RHOBTB1: variants seen among roughly 807,000 people sequenced by gnomAD.
RHOBTB1 encodes rho-related BTB domain-containing protein 1.
A neutral mutation model predicts 71.6 loss-of-function variants in RHOBTB1; 40 were observed. The observed-to-expected ratio is 0.56, with a 90% confidence interval of 0.43 to 0.73. The LOEUF (loss-of-function observed/expected upper bound fraction) is 0.73, where lower values mean the gene tolerates loss of function less well. RHOBTB1 is among the 30% of genes least tolerant of loss of function. RHOBTB1 has a pLI of 0.00. For missense variants in RHOBTB1, 797 were observed against 894.0 expected (o/e 0.89, Z 1.38); for synonymous variants, 319 against 334.9 (o/e 0.95, Z 0.52).
chr10:60,927,927 C>G (rs751289668), intron 2 of RHOBTB1, among the ~76,000 whole-genome samples: 9 of 152,022 alleles, frequency 5.9e-5, no homozygotes, highest in Admixed American at 4.6e-4. Context: ...TTGCAAATTA[C>G]CCATCTGACA....
At chr10:60,943,659 C>T (rs1472252887) in intron 1 of RHOBTB1, among the ~76,000 whole-genome samples, 4 of 152,228 alleles carry the variant, frequency 2.6e-5, no homozygotes, top group Non-Finnish European at 5.9e-5. Flanking sequence ...GCACCACCCC[C>T]TCCCTGGCGC....
intron 7 of RHOBTB1, 32 bp from the exon 8 acceptor site, chr10:60,878,090 T>A (rs1249728974): frequency 3.8e-6 from 6 of 1,593,466 alleles, no homozygotes; most frequent in South Asian, 2.3e-5. Context: ...TAAATTCTGC[T>A]GCAGAAAGCA....
intron 8 of RHOBTB1, among the ~76,000 whole-genome samples, chr10:60,876,081 T>G (rs1025917684): frequency 3.9e-5 from 6 of 152,208 alleles, no homozygotes; most frequent in Non-Finnish European, 7.3e-5. Context: ...GGCACAAACC[T>G]CCTCAACTAG....
In RHOBTB1 at chr10:60,872,293, G is replaced by A; in HGVS notation, c.1816-3C>T. ...GCCAACTGGTGGGCATTGTGAAACTGCAGAAAAGTGAGCAAAAGGAGGGTA... is the reference window on the plus strand; with the variant it reads ...GCCAACTGGTGGGCATTGTGAAACTACAGAAAAGTGAGCAAAAGGAGGGTA... On this transcript the variant is annotated splice_polypyrimidine_tract_variant and splice_region_variant and intron_variant, in intron 9 of 10. Coordinates refer to ENST00000337910, the MANE Select transcript of RHOBTB1 (RefSeq NM_014836.5). 6.2e-7 allele frequency: 1 copy of A among 1,609,476 alleles called. No individual in the cohort carries two copies. The highest frequency in any genetic ancestry group is 8.5e-7 in the Non-Finnish European group (1 of 1,175,732).
At chr10:60,976,565 T>C (rs1341592175) in intron 2 of RHOBTB1, among the ~76,000 whole-genome samples, 1 of 151,990 alleles carries the variant, frequency 6.6e-6, no homozygotes, top group Non-Finnish European at 1.5e-5. Context: ...TCCTCTGTAG[T>C]AATGCCCCTT....
intron 2 of RHOBTB1, among the ~76,000 whole-genome samples, chr10:60,941,048 C>T (rs1332493345): frequency 6.6e-6 from 1 of 152,160 alleles, no homozygotes; most frequent in Non-Finnish European, 1.5e-5. Context: ...CACTAATTTA[C>T]TTAAGAGAAT....
At position 60,886,195 on chromosome 10, in the gene RHOBTB1, C is replaced by T. The variant is rs754137226; in HGVS notation, c.1492G>A (p.Ala498Thr). The T allele has an allele frequency of 3.1e-6, 5 of 1,614,070 alleles. No homozygotes were observed. The highest frequency in any genetic ancestry group is 2.2e-5 in the South Asian group (2 of 91,080). ...TFKLDDGAISAHKPLLICSCE... is the reference protein window; with the variant it reads ...TFKLDDGAISTHKPLLICSCE... Reference sequence around the variant, plus strand: ...CTACAGATCAGCAGCGGCTTGTGGGCACTGATGGCTCCATCGTCCAATTTA... The same window carrying T: ...CTACAGATCAGCAGCGGCTTGTGGGTACTGATGGCTCCATCGTCCAATTTA... Residue 498 changes from alanine (A) to threonine (T), a missense_variant, in exon 7 of 11, where the codon GCC becomes ACC. Transcript: ENST00000337910.
At chr10:60,899,468 C>T (rs115602593) in intron 4 of RHOBTB1, among the ~76,000 whole-genome samples, 2,989 of 152,264 alleles carry the variant, frequency 0.02, 82 homozygotes, top group African/African-American at 0.067. Flanking sequence ...TACCGCGCTA[C>T]ATGGGAGGTC....
upstream of RHOBTB1, chr10:61,001,496 C>T (rs1313219285): frequency 6.6e-6 from 1 of 151,244 alleles, no homozygotes; most frequent in Non-Finnish European, 1.5e-5. Context: ...GCCGACCCCG[C>T]CCCGCCCCGC....
At chr10:60,874,215 G>C (rs558913108) in intron 9 of RHOBTB1, among the ~76,000 whole-genome samples, 1 of 152,352 alleles carries the variant, frequency 6.6e-6, no homozygotes, top group East Asian at 1.9e-4. Context: ...AGTTTCCTCA[G>C]AGTGTAAATT....
At chr10:60,932,596 A>G (rs980234552) in intron 2 of RHOBTB1, among the ~76,000 whole-genome samples, 1 of 150,780 alleles carries the variant, frequency 6.6e-6, no homozygotes, top group African/African-American at 2.4e-5. Flanking sequence ...GGGGTGGGGC[A>G]CATCTAAGGG....
intron 2 of RHOBTB1, among the ~76,000 whole-genome samples, chr10:60,981,206 T>C (rs2086484506): frequency 6.6e-6 from 1 of 152,188 alleles, no homozygotes; most frequent in Non-Finnish European, 1.5e-5. Context: ...ATCATAGTTA[T>C]CATTCTTTAC....
intron 6 of RHOBTB1, among the ~76,000 whole-genome samples, chr10:60,887,617 G>A (rs1179509974): frequency 1.3e-5 from 2 of 152,298 alleles, no homozygotes; most frequent in East Asian, 3.9e-4. Context: ...AGAAGTGCAG[G>A]GCCAAGGAGC....
chr10:60,990,132 G>A (rs10994597), intron 1 of RHOBTB1, among the ~76,000 whole-genome samples: 81,626 of 151,422 alleles, frequency 0.54, 22,272 homozygotes, highest in East Asian at 0.77. Flanking sequence ...ACAGGCGCCC[G>A]CCACCACGCC....
At chr10:60,952,688 C>T (rs565531976) in intron 2 of RHOBTB1, among the ~76,000 whole-genome samples, 1 of 152,216 alleles carries the variant, frequency 6.6e-6, no homozygotes, top group African/African-American at 2.4e-5. Context: ...CAATGCATGA[C>T]ATCATCCTAT....
chr10:60,955,395 A>G (rs2085557644), intron 2 of RHOBTB1, among the ~76,000 whole-genome samples: 1 of 152,168 alleles, frequency 6.6e-6, no homozygotes. Context: ...TTCATGTGTT[A>G]ACTGAACACA....
At chr10:60,897,538 A>G (rs553054562) in intron 4 of RHOBTB1, among the ~76,000 whole-genome samples, 7 of 152,132 alleles carry the variant, frequency 4.6e-5, no homozygotes, top group Non-Finnish European at 1.0e-4. Flanking sequence ...GAAGCTTCAG[A>G]TCAGGTAAAT....
chr10:60,987,919 CTTTT>C (rs71018937), intron 1 of RHOBTB1, among the ~76,000 whole-genome samples: 13,505 of 51,330 alleles, frequency 0.26, 1,348 homozygotes, highest in East Asian at 0.35. Flanking sequence ...AAATACTCAA[CTTTT>C]TTTTTTTTTT....
In RHOBTB1 at chr10:60,871,351, G is replaced by T; in HGVS notation, c.*131C>A. On this transcript the variant is annotated 3_prime_UTR_variant, in exon 11 of 11. Transcript: ENST00000337910. ...CTAACAAAGATAAATGCACAAAAGTGGAGGAAGATCAGTGCCCGAAACCTG... is the reference window on the plus strand; with the variant it reads ...CTAACAAAGATAAATGCACAAAAGTTGAGGAAGATCAGTGCCCGAAACCTG... 1.2e-6 allele frequency: 1 copy of T among 812,850 alleles called. No homozygotes were observed. Among genetic ancestry groups the T allele is most frequent in the Non-Finnish European group, 1.9e-6 (1 of 523,092 alleles). The allele number at this position is 812,850 out of a possible 1,614,324, so 50.4% of individuals were successfully genotyped here.
Sources: allele counts gnomAD v4.1 joint callset (sites outside exome capture counted in the v4.1 genomes callset), GRCh38; gene constraint gnomAD v4.1.1; transcripts MANE v1.5; gene names NCBI Gene and HGNC (gene_info 2026-07-23, HGNC 2026-07-21).